The following WASF3 variants were observed in gnomAD, a reference collection of about 807,000 sequenced individuals.
WASF3 encodes WASP family member 3, also known as actin-binding protein WASF3.
In WASF3, 11 loss-of-function variants were observed where a neutral mutation model predicts 46.6. The observed-to-expected ratio is 0.24, with a 90% CI of 0.15 to 0.39. The LOEUF is 0.39. Ranked by LOEUF, WASF3 falls within the 10% of genes least tolerant of loss-of-function variation. The pLI is 1.00. For missense variants in WASF3, 576 were observed against 669.8 expected (o/e 0.86, Z 1.55); for synonymous variants, 242 against 259.7 (o/e 0.93, Z 0.65).
chr13:26,551,718 A>G, the WASF3 span, among the ~76,000 whole-genome samples: 2 of 152,176 alleles, frequency 1.3e-5, no homozygotes, highest in African/African-American at 4.8e-5. Context: ...CAGGAGGGGT[A>G]TTCAGACAGA....
chr13:26,684,817 T>C (rs1252249684), intron 9 of WASF3, among the ~76,000 whole-genome samples: 1 of 152,212 alleles, frequency 6.6e-6, no homozygotes, highest in Non-Finnish European at 1.5e-5. Context: ...GGGAATGTTT[T>C]TCTGCTGGTC....
At chr13:26,642,820 T>C (rs1272848866) in intron 3 of WASF3, among the ~76,000 whole-genome samples, 7 of 152,222 alleles carry the variant, frequency 4.6e-5, no homozygotes, top group African/African-American at 1.2e-4. Context: ...TGGCACATAG[T>C]ACCTACTTAA....
intron 2 of WASF3, among the ~76,000 whole-genome samples, chr13:26,630,852 C>G (rs1040239141): frequency 6.6e-6 from 1 of 152,218 alleles, no homozygotes; most frequent in Non-Finnish European, 1.5e-5. Flanking sequence ...GATTGCCATT[C>G]TAACTGGTGT....
chr13:26,610,985 C>T (rs796967348), intron 1 of WASF3, among the ~76,000 whole-genome samples: 19 of 150,694 alleles, frequency 1.3e-4, no homozygotes, highest in African/African-American at 4.4e-4. Flanking sequence ...GGCATGTGTC[C>T]GTGCCCAAAA....
chr13:26,572,009 T>A (rs963318542), intron 1 of WASF3, among the ~76,000 whole-genome samples: 1 of 152,242 alleles, frequency 6.6e-6, no homozygotes, highest in African/African-American at 2.4e-5. Context: ...GGTTATTCTT[T>A]GTGTATGTGA....
chr13:26,618,330 G>A (rs1408631855), intron 2 of WASF3, among the ~76,000 whole-genome samples: 2 of 151,894 alleles, frequency 1.3e-5, no homozygotes, highest in Non-Finnish European at 2.9e-5. Context: ...GAATATATAC[G>A]TCTTTTAAAA....
intron 1 of WASF3, among the ~76,000 whole-genome samples, chr13:26,587,725 A>G (rs1593132774): frequency 1.3e-5 from 2 of 152,190 alleles, no homozygotes; most frequent in South Asian, 4.1e-4. Context: ...TCTAAAGTCA[A>G]ACTTGACATT....
At chr13:26,585,171 G>A (rs1266987665) in intron 1 of WASF3, among the ~76,000 whole-genome samples, 3 of 151,286 alleles carry the variant, frequency 2.0e-5, no homozygotes, top group African/African-American at 4.8e-5. Context: ...TGTCAAAAAG[G>A]AAGAACAAAT....
intron 1 of WASF3, among the ~76,000 whole-genome samples, chr13:26,571,147 A>G (rs1879620410): frequency 6.6e-6 from 1 of 151,826 alleles, no homozygotes. Context: ...TTTTCTGTTC[A>G]TTTTTTAAAA....
rs980420909 is a variant in WASF3, at chr13:26,687,133, T to C, written c.*1288T>C. ...AGGGACCCATGGGGAAACTCAAGAA[T>C]GACAGCTTCTATATTTTGTAATTCT... On this transcript the variant is annotated 3_prime_UTR_variant, in exon 10 of 10. Coordinates refer to ENST00000335327, the MANE Select transcript of WASF3 (RefSeq NM_006646.6). 1.3e-5 allele frequency: 2 copies of C among 152,376 alleles called. No individual in the cohort carries two copies. The highest frequency in any genetic ancestry group is 1.5e-5 in the Non-Finnish European group (1 of 68,052). 9.4% of individuals were successfully genotyped at this position (152,376 alleles called of 1,614,324 possible).
rs1229624179 is a variant in WASF3 at position 26,685,815 on chromosome 13, A to T, written c.1479A>T (p.Ser493=). The T allele has an allele frequency of 6.2e-6, 10 of 1,613,878 alleles. No individual in the cohort carries two copies. In the South Asian group the frequency reaches 1.1e-4, roughly 18 times the overall value. Residue 493 remains serine (S), a synonymous_variant, in exon 10 of 10, where the codon TCA becomes TCT. Coordinates refer to ENST00000335327, the MANE Select transcript of WASF3 (RefSeq NM_006646.6). ...AGTACAGCGACTCTGACGACGACTC[A>T]GAGTTCGACGAGAACGACTGGTCCG... ...AVEYSDSDDD[S]EFDENDWSD
At chr13:26,661,734 G>C (rs1023387556) in intron 3 of WASF3, among the ~76,000 whole-genome samples, 2 of 152,034 alleles carry the variant, frequency 1.3e-5, no homozygotes, top group African/African-American at 4.8e-5. Context: ...CAGCGCACAG[G>C]GTTCCAATTT....
At chr13:26,584,085 A>C (rs762882650) in intron 1 of WASF3, among the ~76,000 whole-genome samples, 2 of 152,196 alleles carry the variant, frequency 1.3e-5, no homozygotes, top group African/African-American at 4.8e-5. Flanking sequence ...TTGGTTTTGC[A>C]GGATTATGGA....
At chr13:26,545,508 T>C in the WASF3 span, among the ~76,000 whole-genome samples, 36 of 152,316 alleles carry the variant, frequency 2.4e-4, no homozygotes, top group African/African-American at 8.7e-4. Context: ...ATTTTATCCT[T>C]TCTACTTTTA....
At chr13:26,673,964 G>C (rs1380579230) in intron 6 of WASF3, among the ~76,000 whole-genome samples, 2 of 152,246 alleles carry the variant, frequency 1.3e-5, no homozygotes, top group South Asian at 2.1e-4. Flanking sequence ...GCTACGGGGA[G>C]GCTGGAGAGG....
intron 3 of WASF3, among the ~76,000 whole-genome samples, chr13:26,646,181 C>T (rs7324582): frequency 0.84 from 128,393 of 152,218 alleles, 54,188 homozygotes; most frequent in East Asian, 0.9. Context: ...CATGAATCTT[C>T]AGTTGTTCGT....
chr13:26,655,942 C>T (rs1490723188), intron 3 of WASF3, among the ~76,000 whole-genome samples: 1 of 152,126 alleles, frequency 6.6e-6, no homozygotes, highest in African/African-American at 2.4e-5. Context: ...ATGTGGTTTT[C>T]TGCCCTCAGC....
chr13:26,659,648 G>C (rs1370268165), intron 3 of WASF3, among the ~76,000 whole-genome samples: 1 of 152,102 alleles, frequency 6.6e-6, no homozygotes, highest in East Asian at 1.9e-4. Context: ...ATTATGCCTT[G>C]GGACAGGGTA....
rs574585234 is a variant in WASF3 at position 26,663,703 on chromosome 13, G to C, written c.134-1325G>C. On this transcript the variant is annotated intron_variant, in intron 3 of 9. Coordinates refer to ENST00000335327, the MANE Select transcript of WASF3 (RefSeq NM_006646.6). ...TTAAATTCATAAGAATTCATTCCCA[G>C]TGTCTAGGTGTAACCATTTAAGCAG... Among the ~76,000 whole-genome samples, 16 of 152,290 alleles carry C rather than the reference G, an allele frequency of 1.1e-4. No homozygotes were observed. The South Asian group carries it at 3.3e-3, about 32-fold the overall frequency.
Sources: gnomAD v4.1 joint callset for allele counts (sites outside exome capture counted in the v4.1 genomes callset) on GRCh38, gnomAD v4.1.1 for gene constraint, MANE v1.5 for transcripts, NCBI Gene and HGNC (gene_info 2026-07-23, HGNC 2026-07-21) for gene names.